The following ITSN1 variants were observed in gnomAD, a reference collection of about 807,000 sequenced individuals.
The protein encoded by ITSN1 is intersectin 1, also known as intersectin-1.
In ITSN1, 58 loss-of-function variants were observed where a neutral mutation model predicts 239.8. The ratio of observed to expected loss-of-function variants is 0.24; its 90% confidence interval spans 0.20 to 0.30. The LOEUF (loss-of-function observed/expected upper bound fraction) is 0.30. ITSN1 is among the 10% of genes least tolerant of loss of function. ITSN1 has a pLI of 1.00. For synonymous variants in ITSN1, 780 were observed against 770.8 expected (o/e 1.01, Z -0.20); for missense variants, 1,558 against 2,103.3 (o/e 0.74, Z 5.07).
intron 1 of ITSN1, among the ~76,000 whole-genome samples, chr21:33,688,094 T>C (rs918733784): frequency 3.9e-5 from 6 of 152,120 alleles, no homozygotes; most frequent in Admixed American, 3.9e-4. Flanking sequence ...TTTTTTTTTT[T>C]CTTGAAAAGG....
intron 5 of ITSN1, among the ~76,000 whole-genome samples, chr21:33,748,028 C>T (rs1277487762): frequency 6.6e-6 from 1 of 152,088 alleles, no homozygotes; most frequent in Non-Finnish European, 1.5e-5. Context: ...GGGCTTATAA[C>T]ATATTATAAT....
intron 26 of ITSN1, among the ~76,000 whole-genome samples, chr21:33,827,737 A>C (rs2074053082): frequency 6.6e-6 from 1 of 152,236 alleles, no homozygotes; most frequent in Admixed American, 6.5e-5. Flanking sequence ...GAAAAAGAAA[A>C]GAAAGAAGCG....
intron 1 of ITSN1, among the ~76,000 whole-genome samples, chr21:33,684,353 G>A (rs2091130931): frequency 6.6e-6 from 1 of 152,288 alleles, no homozygotes; most frequent in South Asian, 2.1e-4. Flanking sequence ...CTAAAAGACA[G>A]TCAAGGGGTT....
At chr21:33,853,382 G>A (rs1005215277) in intron 29 of ITSN1, among the ~76,000 whole-genome samples, 10 of 152,326 alleles carry the variant, frequency 6.6e-5, no homozygotes, top group Non-Finnish European at 1.3e-4. Flanking sequence ...AGGAGGCCAC[G>A]CAGCAGCCCT....
At chr21:33,762,282 T>C (rs556904477) in intron 9 of ITSN1, among the ~76,000 whole-genome samples, 112 of 152,180 alleles carry the variant, frequency 7.4e-4, no homozygotes, top group Middle Eastern at 3.4e-3. Context: ...TTTTTTTTTT[T>C]TGAGATGGAG....
chr21:33,784,354 C>CACACACACACAG (rs56182911), intron 16 of ITSN1, among the ~76,000 whole-genome samples: 2 of 147,674 alleles, frequency 1.4e-5, no homozygotes, highest in African/African-American at 2.5e-5. Context: ...CACACACACA[C>CACACACACACAG]TAGTCAGGTA....
At chr21:33,831,267 T>G (rs1226774813) in intron 27 of ITSN1, among the ~76,000 whole-genome samples, 3 of 152,206 alleles carry the variant, frequency 2.0e-5, no homozygotes, top group Non-Finnish European at 4.4e-5. Flanking sequence ...ATGGAAGGAC[T>G]GAATTTTCCA....
At chr21:33,867,972 A>G (rs544292520) in intron 33 of ITSN1, among the ~76,000 whole-genome samples, 15 of 152,290 alleles carry the variant, frequency 9.8e-5, no homozygotes, top group African/African-American at 3.4e-4. Flanking sequence ...GCGGTGTTAC[A>G]GCTCATAAAA....
intron 34 of ITSN1, among the ~76,000 whole-genome samples, chr21:33,880,731 C>T (rs748643783): frequency 1.1e-4 from 17 of 152,090 alleles, no homozygotes; most frequent in Admixed American, 6.5e-5. Context: ...CCATAGGGCT[C>T]GTAGCTCAGG....
At chr21:33,834,212 A>T (rs2074469032) in intron 27 of ITSN1, 95 bp from the exon 28 acceptor site, 2 of 828,854 alleles carry the variant, frequency 2.4e-6, no homozygotes, top group African/African-American at 1.7e-5. Flanking sequence ...TTTTTCAGTT[A>T]TATGTAAGCT....
At chr21:33,854,112 A>G (rs1214857115) in intron 29 of ITSN1, among the ~76,000 whole-genome samples, 1 of 152,236 alleles carries the variant, frequency 6.6e-6, no homozygotes, top group Non-Finnish European at 1.5e-5. Context: ...TGTGAACCCA[A>G]TGAAAGTGTG....
chr21:33,680,862 C>G (rs189286386), intron 1 of ITSN1, among the ~76,000 whole-genome samples: 1 of 152,184 alleles, frequency 6.6e-6, no homozygotes, highest in Non-Finnish European at 1.5e-5. Flanking sequence ...ATCCCTTGCT[C>G]GTAGGTTATT....
intron 29 of ITSN1, among the ~76,000 whole-genome samples, chr21:33,855,342 AC>A (rs1979121376): frequency 6.6e-6 from 1 of 152,216 alleles, no homozygotes; most frequent in South Asian, 2.1e-4. Context: ...CCTGGGGACC[AC>A]GCTTTGACAA....
intron 29 of ITSN1, among the ~76,000 whole-genome samples, chr21:33,850,973 G>A (rs796151185): frequency 8.5e-5 from 13 of 152,254 alleles, no homozygotes; most frequent in South Asian, 2.1e-4. Flanking sequence ...CTGCTGATCC[G>A]GGGCCATTGA....
chr21:33,885,014 G>T (rs1226236180), intron 36 of ITSN1, 27 bp from the exon 37 acceptor site: 1 of 1,592,460 alleles, frequency 6.3e-7, no homozygotes, highest in African/African-American at 1.3e-5. Flanking sequence ...TTTCTGTTTG[G>T]CAACTTTCTG....
At chr21:33,873,533 G>A (rs1219093117) in intron 33 of ITSN1, among the ~76,000 whole-genome samples, 4 of 152,182 alleles carry the variant, frequency 2.6e-5, no homozygotes, top group Non-Finnish European at 5.9e-5. Context: ...TATAAAGGAG[G>A]CTATTAACCT....
intron 31 of ITSN1, among the ~76,000 whole-genome samples, chr21:33,859,889 C>T (rs1026843811): frequency 2.0e-5 from 3 of 152,192 alleles, no homozygotes; most frequent in East Asian, 3.8e-4. Context: ...CCCTGCCACC[C>T]GATGCCGTGG....
chr21:33,722,679 A>G (rs757478858), intron 4 of ITSN1, 28 bp downstream of exon 4: 1 of 1,549,882 alleles, frequency 6.5e-7, no homozygotes, highest in Non-Finnish European at 8.7e-7. Flanking sequence ...ATGAAATTTT[A>G]CATAAGCATA....
At chr21:33,688,125 T>G (rs1013204058) in intron 1 of ITSN1, among the ~76,000 whole-genome samples, 5 of 152,150 alleles carry the variant, frequency 3.3e-5, no homozygotes, top group African/African-American at 1.2e-4. Context: ...AGCATCAGCC[T>G]TATTAGCTGG....
Sources: gnomAD v4.1 joint callset for allele counts (sites outside exome capture counted in the v4.1 genomes callset) on GRCh38, gnomAD v4.1.1 for gene constraint, MANE v1.5 for transcripts, NCBI Gene and HGNC (gene_info 2026-07-23, HGNC 2026-07-21) for gene names.